GOLGA1: variants seen among roughly 807,000 people sequenced by gnomAD.
GOLGA1 encodes golgin A1.
A neutral mutation model predicts 119.7 loss-of-function variants in GOLGA1; 63 were observed. That is an observed-to-expected ratio of 0.53 (90% CI 0.43 to 0.65). GOLGA1 has a LOEUF of 0.65. GOLGA1 is among the 30% of genes least tolerant of loss of function. The pLI is 0.00. For synonymous variants in GOLGA1, 318 were observed against 333.4 expected, an observed-to-expected ratio of 0.95 and a Z score of 0.50; for missense variants, 798 against 912.8, an observed-to-expected ratio of 0.87 and a Z score of 1.62.
At chr9:124,926,643 T>A in intron 7 of GOLGA1, 66 bp downstream of exon 7, 1 of 981,008 alleles carries the variant, frequency 1.0e-6, no homozygotes, top group Non-Finnish European at 1.7e-6. Flanking sequence ...GGTTACCGGA[T>A]AAAACGTTTT....
intron 12 of GOLGA1, among the ~76,000 whole-genome samples, chr9:124,907,390 G>GA (rs1830255645): frequency 6.6e-6 from 1 of 152,044 alleles, no homozygotes; most frequent in African/African-American, 2.4e-5. Context: ...AGTTAATAGG[G>GA]AAAAAACAGT....
chr9:124,907,613 A>G (rs1830259915), intron 12 of GOLGA1, among the ~76,000 whole-genome samples: 1 of 152,218 alleles, frequency 6.6e-6, no homozygotes, highest in Admixed American at 6.5e-5. Flanking sequence ...ATAAGAAAAG[A>G]CTGAAACCCC....
chr9:124,899,207 A>G (rs1564328673), intron 14 of GOLGA1, 122 bp downstream of exon 14: 1 of 841,986 alleles, frequency 1.2e-6, no homozygotes, highest in Non-Finnish European at 1.8e-6. Flanking sequence ...AACAAAAAAA[A>G]AGCTGCCTTC....
intron 3 of GOLGA1, among the ~76,000 whole-genome samples, chr9:124,938,128 G>C (rs891644729): frequency 4.6e-5 from 7 of 151,212 alleles, no homozygotes; most frequent in Middle Eastern, 3.2e-3. Context: ...GCAACATACT[G>C]TAATCACTGG....
Position 124,919,990 on chromosome 9 carries a change from C to G in GOLGA1, c.843+1139G>C, listed in dbSNP as rs181115653. 9.3e-4 allele frequency among the ~76,000 whole-genome samples: 141 copies of G among 152,152 alleles called. 1 individual carries two copies. The highest frequency in any genetic ancestry group is 3.2e-3 in the African/African-American group (134 of 41,488). On this transcript the variant is annotated intron_variant, in intron 10 of 22. Coordinates refer to ENST00000373555, the MANE Select transcript of GOLGA1 (RefSeq NM_002077.4). ...TATTTTTTTAAGACAGAGTCTCTCT[C>G]TGTCACCCAGGCAGGCTGCAGCGCA...
chr9:124,883,769 C>T (rs1829648050), intron 19 of GOLGA1, among the ~76,000 whole-genome samples: 1 of 151,022 alleles, frequency 6.6e-6, no homozygotes, highest in Admixed American at 6.6e-5. Context: ...CTTTAAGAGA[C>T]AGCATCTCAC....
In GOLGA1 at chr9:124,931,421, AC is replaced by A; in HGVS notation, c.136-16del. ...CCATCGGAAGCCTGTTGAGGTAGAC[AC>A]AAGGAAGGTCGTATTCATATATGTG... On this transcript the variant is annotated splice_polypyrimidine_tract_variant and intron_variant, in intron 3 of 22. Transcript: ENST00000373555. 1 of 1,317,974 alleles carries A rather than the reference AC, an allele frequency of 7.6e-7. No homozygotes were observed. The highest frequency in any genetic ancestry group is 1.1e-6 in the Non-Finnish European group (1 of 909,700). 81.6% of individuals were successfully genotyped at this position (1,317,974 alleles called of 1,614,324 possible).
chr9:124,890,232 G>A (rs974482191), intron 16 of GOLGA1, among the ~76,000 whole-genome samples, 157 bp downstream of exon 16: 2 of 152,138 alleles, frequency 1.3e-5, no homozygotes, highest in African/African-American at 2.4e-5. Context: ...TTCCTAGAGA[G>A]CACAGGGGCC....
intron 3 of GOLGA1, among the ~76,000 whole-genome samples, chr9:124,934,918 G>A (rs920749387): frequency 3.3e-5 from 5 of 152,232 alleles, no homozygotes; most frequent in Non-Finnish European, 5.9e-5. Flanking sequence ...GTGGCGGCAC[G>A]TGCCTGTAGT....
Position 124,911,971 on chromosome 9 carries a change from A to G in GOLGA1, c.899T>C (p.Val300Ala), listed in dbSNP as rs1324070747. The G allele has an allele frequency of 6.2e-7, 1 of 1,612,256 alleles. No homozygotes were observed. Among genetic ancestry groups the G allele is most frequent in the South Asian group, 1.1e-5 (1 of 91,046 alleles). Residue 300 changes from valine to alanine, a missense_variant, in exon 11 of 23, where the codon GTT becomes GCT. Coordinates refer to ENST00000373555, the MANE Select transcript of GOLGA1 (RefSeq NM_002077.4). ...EDVITHLQEK[V>A]ASLEKRLEQN... ...TTCTAGTCTCTTCTCCAAGGATGCA[A>G]CCTTCTCTTGCAAATGTGTGATAAC...
In GOLGA1 at chr9:124,880,326, G is replaced by A. The variant is rs908669079; in HGVS notation, c.*204C>T. 1 of 455,776 alleles carries A rather than the reference G, an allele frequency of 2.2e-6. No homozygotes were observed. The highest frequency in any genetic ancestry group is 2.0e-5 in the African/African-American group (1 of 49,958). The allele number at this position is 455,776 out of a possible 1,614,324, so 28.2% of individuals were successfully genotyped here. On this transcript the variant is annotated 3_prime_UTR_variant, in exon 23 of 23. Transcript: ENST00000373555. Reference sequence around the variant, plus strand: ...GGGTAGTGCCAGGACCCTCCTGTTTGGTGACCAGAATGACAGGATCAGCTA... The same window carrying A: ...GGGTAGTGCCAGGACCCTCCTGTTTAGTGACCAGAATGACAGGATCAGCTA...
chr9:124,919,944 T>G (rs757605959), intron 10 of GOLGA1, among the ~76,000 whole-genome samples: 41 of 150,630 alleles, frequency 2.7e-4, no homozygotes, highest in South Asian at 1.2e-3. Flanking sequence ...TTATATTTAT[T>G]TATTTATTTA....
chr9:124,910,054 G>T (rs568497574), intron 11 of GOLGA1, among the ~76,000 whole-genome samples: 4 of 152,086 alleles, frequency 2.6e-5, no homozygotes, highest in African/African-American at 9.7e-5. Flanking sequence ...CTCAGCCTCC[G>T]GAGTAGCTTG....
At chr9:124,921,945 A>G in intron 8 of GOLGA1, 53 bp from the exon 9 acceptor site, 1 of 1,467,338 alleles carries the variant, frequency 6.8e-7, no homozygotes, top group South Asian at 1.2e-5. Context: ...AATACACTTA[A>G]GATCAGGCAT....
rs1427318343 is a variant in GOLGA1 at position 124,880,148 on chromosome 9, G to A, written c.*382C>T. On this transcript the variant is annotated 3_prime_UTR_variant, in exon 23 of 23. Coordinates refer to ENST00000373555, the MANE Select transcript of GOLGA1 (RefSeq NM_002077.4). ...CTGCTGGGCACCATCTCAAAGGGCC[G>A]TCTCTACCTCCAGTAGCAGCGCTAC... The A allele has an allele frequency of 1.8e-5, 3 of 163,194 alleles. No individual in the cohort carries two copies. The highest frequency in any genetic ancestry group is 2.7e-5 in the Non-Finnish European group (2 of 74,090). 10.1% of individuals were successfully genotyped at this position (163,194 alleles called of 1,614,324 possible). A position where few individuals can be genotyped will look rare whatever the true frequency, so the allele number is the denominator to read the frequency against.
Position 124,889,490 on chromosome 9 carries a change from C to T in GOLGA1, c.1544G>A (p.Arg515Gln), listed in dbSNP as rs774959189. 2.5e-5 allele frequency: 41 copies of T among 1,613,894 alleles called. No homozygotes were observed. Among genetic ancestry groups the T allele is most frequent in the Middle Eastern group, 1.6e-4 (1 of 6,084 alleles). The change falls in exon 17 of 23, where the codon CGG becomes CAG. Residue 515 changes from arginine to glutamine, a missense_variant. By Grantham distance (43) the Arg-to-Gln change is conservative. Coordinates refer to ENST00000373555, the MANE Select transcript of GOLGA1 (RefSeq NM_002077.4). ...CTGGAGAAGCACTTCGGTTTTTTCCCGCAGATTCTGTTCCTTCTCGTCTAT... is the reference window on the plus strand; with the variant it reads ...CTGGAGAAGCACTTCGGTTTTTTCCTGCAGATTCTGTTCCTTCTCGTCTAT... ...AIIDEKEQNL[R>Q]EKTEVLLQKE... is the part of the protein sequence containing the mutation.
At chr9:124,902,507 G>C (rs1333968790) in intron 12 of GOLGA1, among the ~76,000 whole-genome samples, 8 of 150,576 alleles carry the variant, frequency 5.3e-5, no homozygotes, top group African/African-American at 2.0e-4. Flanking sequence ...TTTTCTTTTT[G>C]AGACAGTCTT....
rs1224743729 is a variant in GOLGA1, at chr9:124,878,596, G to A, written c.*1934C>T. ...TTCCACTCTTCCTCTTAAAGCTGAA[G>A]GAAATTCAACATGCAGGAGGAAAGC... On this transcript the variant is annotated 3_prime_UTR_variant, in exon 23 of 23. Transcript: ENST00000373555. 1 of 152,496 alleles carries A rather than the reference G, an allele frequency of 6.6e-6. No homozygotes were observed. Among genetic ancestry groups the A allele is most frequent in the Non-Finnish European group, 1.5e-5 (1 of 68,040 alleles). 9.4% of individuals were successfully genotyped at this position (152,496 alleles called of 1,614,324 possible).
rs137955305 is a variant in GOLGA1 at position 124,888,708 on chromosome 9, A to C, written c.1762-312T>G. On this transcript the variant is annotated intron_variant, in intron 18 of 22. Transcript: ENST00000373555. The surrounding 1 kb of genome is among the most constrained non-coding windows in gnomAD (Gnocchi z 4.4). ...CCCTACTTTATTTATTTATCTATTT[A>C]TTTATTTATTGAGACGGAGTCTTGC... Among the ~76,000 whole-genome samples, 36 of 151,938 alleles carry C rather than the reference A, an allele frequency of 2.4e-4. No homozygotes were observed. Among genetic ancestry groups the C allele is most frequent in the African/African-American group, 8.4e-4 (35 of 41,426 alleles).
Sources: gnomAD v4.1 joint callset for allele counts (sites outside exome capture counted in the v4.1 genomes callset) on GRCh38, gnomAD v4.1.1 for gene constraint, Gnocchi (gnomAD v3.1) non-coding constraint, MANE v1.5 for transcripts, NCBI Gene and HGNC (gene_info 2026-07-23, HGNC 2026-07-21) for gene names.